Variants in RBM47 observed in about 807,000 individuals in gnomAD.
RBM47 encodes the protein RNA-binding protein 47.
In RBM47, 21 loss-of-function variants were observed where a neutral mutation model predicts 47.1. The ratio of observed to expected loss-of-function variants is 0.45; its 90% CI spans 0.32 to 0.64. RBM47 has a LOEUF of 0.64. Among genes scored for constraint, RBM47 ranks in the 30% least tolerant of loss-of-function variants. The pLI is 0.05. For synonymous variants in RBM47, 375 were observed against 361.7 expected (o/e 1.04, Z -0.42); for missense variants, 708 against 870.9 (o/e 0.81, Z 2.35).
intron 1 of RBM47, among the ~76,000 whole-genome samples, chr4:40,591,011 C>G (rs1734087316): frequency 6.6e-6 from 1 of 152,162 alleles, no homozygotes; most frequent in Admixed American, 6.5e-5. Flanking sequence ...CCGTGTTGGC[C>G]AGGCTGGTCT....
At chr4:40,436,128 T>C (rs1279841108) in intron 5 of RBM47, among the ~76,000 whole-genome samples, 1 of 147,928 alleles carries the variant, frequency 6.8e-6, no homozygotes, top group African/African-American at 2.5e-5. Context: ...GCCAAGATCA[T>C]GCCACTGCAC....
At chr4:40,605,796 A>G (rs1578057423) in intron 1 of RBM47, among the ~76,000 whole-genome samples, 1 of 151,896 alleles carries the variant, frequency 6.6e-6, no homozygotes, top group East Asian at 1.9e-4. Context: ...GCACCACTGC[A>G]CTCCAGCCTG....
intron 2 of RBM47, among the ~76,000 whole-genome samples, chr4:40,515,368 C>G (rs976508786): frequency 9.1e-6 from 1 of 109,326 alleles, no homozygotes; most frequent in African/African-American, 6.1e-5. Context: ...TACTGGAGGA[C>G]TGAGTGGGAC....
chr4:40,619,218 C>G (rs1010134316), intron 1 of RBM47, among the ~76,000 whole-genome samples: 1 of 152,102 alleles, frequency 6.6e-6, no homozygotes, highest in Non-Finnish European at 1.5e-5. Context: ...TATTTGAGCC[C>G]AGAAATTCAA....
At chr4:40,528,216 T>G (rs542202753) in intron 2 of RBM47, among the ~76,000 whole-genome samples, 2 of 152,084 alleles carry the variant, frequency 1.3e-5, no homozygotes, top group Non-Finnish European at 2.9e-5. Context: ...ATCAGGACCA[T>G]CCTGGCCAAA....
At chr4:40,446,781 TA>T (rs563328145) in intron 3 of RBM47, among the ~76,000 whole-genome samples, 11 of 139,214 alleles carry the variant, frequency 7.9e-5, no homozygotes, top group Non-Finnish European at 1.3e-4. Context: ...CAATAAAACT[TA>T]AAAAAAAAAT....
In RBM47 at chr4:40,537,442, T is replaced by A. The variant is rs182582091; in HGVS notation, c.-155+6980A>T. Among the ~76,000 whole-genome samples, 5 of 151,826 alleles carry A rather than the reference T, an allele frequency of 3.3e-5. No individual in the cohort carries two copies. In the East Asian group the frequency reaches 7.8e-4, roughly 24 times the overall value. On this transcript the variant is annotated intron_variant, in intron 2 of 6. Coordinates refer to ENST00000295971, the MANE Select transcript of RBM47 (RefSeq NM_001098634.2). ...CACACCTGGCTAATTTTTGTAGAGA[T>A]AGGGTTTCACCATTGCCCAGGCTGG...
intron 2 of RBM47, among the ~76,000 whole-genome samples, chr4:40,519,699 C>T (rs1178338852): frequency 8.2e-6 from 1 of 122,512 alleles, no homozygotes; most frequent in Non-Finnish European, 1.6e-5. Flanking sequence ...GACGGAGTCT[C>T]GCTATTGTTG....
intron 2 of RBM47, among the ~76,000 whole-genome samples, chr4:40,504,002 C>T (rs578186437): frequency 7.3e-5 from 11 of 151,710 alleles, no homozygotes; most frequent in East Asian, 3.9e-4. Flanking sequence ...GTGAGACCCC[C>T]GTCTTGGAAA....
chr4:40,571,188 C>G (rs1179557672), intron 1 of RBM47, among the ~76,000 whole-genome samples: 1 of 151,736 alleles, frequency 6.6e-6, no homozygotes, highest in African/African-American at 2.4e-5. Context: ...TGCACTCCAG[C>G]CTGAGTGAGA....
intron 2 of RBM47, among the ~76,000 whole-genome samples, chr4:40,490,804 TA>T (rs1721769255): frequency 1.3e-5 from 2 of 152,032 alleles, no homozygotes; most frequent in South Asian, 4.2e-4. Context: ...TGTTCATGAA[TA>T]GAAGACTGAA....
chr4:40,458,498 C>CT (rs1716625840), intron 3 of RBM47, among the ~76,000 whole-genome samples: 2 of 152,178 alleles, frequency 1.3e-5, no homozygotes, highest in African/African-American at 4.8e-5. Flanking sequence ...AGTTAAAATA[C>CT]TTTCTTCTAT....
At chr4:40,494,727 T>C (rs1444604976) in intron 2 of RBM47, among the ~76,000 whole-genome samples, 1 of 152,046 alleles carries the variant, frequency 6.6e-6, no homozygotes, top group African/African-American at 2.4e-5. Flanking sequence ...CAGGTACAGG[T>C]GTGGTACCAT....
intron 2 of RBM47, among the ~76,000 whole-genome samples, chr4:40,528,857 G>A (rs1202254081): frequency 6.6e-6 from 1 of 151,136 alleles, no homozygotes; most frequent in Non-Finnish European, 1.5e-5. Flanking sequence ...GCAGGAGAAT[G>A]GCGTGAACCC....
intron 2 of RBM47, among the ~76,000 whole-genome samples, chr4:40,514,012 C>T (rs1447882226): frequency 6.6e-6 from 1 of 152,114 alleles, no homozygotes. Context: ...AGCCACCGCA[C>T]CCAGCCTAAC....
At chr4:40,624,867 T>C (rs1021031420) in intron 1 of RBM47, among the ~76,000 whole-genome samples, 2 of 129,518 alleles carry the variant, frequency 1.5e-5, no homozygotes, top group African/African-American at 5.9e-5. Flanking sequence ...TTTCTTTTTT[T>C]TTTTTTTTTT....
chr4:40,471,665 C>A (rs2154237302), intron 2 of RBM47, among the ~76,000 whole-genome samples: 1 of 150,794 alleles, frequency 6.6e-6, no homozygotes, highest in African/African-American at 2.4e-5. Flanking sequence ...GGCACTCCAG[C>A]CTGGGTGACA....
intron 1 of RBM47, among the ~76,000 whole-genome samples, chr4:40,567,583 A>G (rs1429891718): frequency 7.9e-5 from 12 of 152,016 alleles, no homozygotes; most frequent in Non-Finnish European, 1.5e-5. Context: ...TGATCCCAAG[A>G]TCTTGTAAAG....
chr4:40,499,739 G>A (rs1465899057), intron 2 of RBM47, among the ~76,000 whole-genome samples: 1 of 152,200 alleles, frequency 6.6e-6, no homozygotes, highest in Non-Finnish European at 1.5e-5. Flanking sequence ...TAAGTTCTAT[G>A]ACTCCTTGGA....
Sources: gnomAD v4.1 joint callset for allele counts (sites outside exome capture counted in the v4.1 genomes callset) on GRCh38, gnomAD v4.1.1 for gene constraint, MANE v1.5 for transcripts, NCBI Gene and HGNC (gene_info 2026-07-23, HGNC 2026-07-21) for gene names.